The following ABLIM3 variants were observed in gnomAD, a reference collection of about 807,000 sequenced individuals.
ABLIM3 encodes the protein actin binding LIM protein family member 3, also known as actin-binding LIM protein 3.
A neutral mutation model predicts 109.5 loss-of-function variants in ABLIM3; 61 were observed. The observed-to-expected ratio is 0.56, with a 90% CI of 0.45 to 0.69. ABLIM3 has a LOEUF of 0.69. ABLIM3 is among the 30% of genes least tolerant of loss of function. The pLI is 0.00. For synonymous variants in ABLIM3, 300 were observed against 324.8 expected, an observed-to-expected ratio of 0.92 and a Z score of 0.82; for missense variants, 796 against 889.5, an observed-to-expected ratio of 0.89 and a Z score of 1.34.
Position 149,148,166 on chromosome 5 carries a change from A to G in ABLIM3, c.13+6058A>G, listed in dbSNP as rs1753100476. Among the ~76,000 whole-genome samples, 5 of 152,238 alleles carry G rather than the reference A, an allele frequency of 3.3e-5. No individual in the cohort carries two copies. In the South Asian group the frequency reaches 1.0e-3, roughly 32 times the overall value. ...AGATTACAAAAACAAGAGCATGCTTAGTCAGTGGCTCTTCAGAGTGAATTT... is the reference window on the plus strand; with the variant it reads ...AGATTACAAAAACAAGAGCATGCTTGGTCAGTGGCTCTTCAGAGTGAATTT... On this transcript the variant is annotated intron_variant, in intron 2 of 23. Transcript: ENST00000309868.
chr5:149,192,229 T>G (rs1757544489), intron 3 of ABLIM3, among the ~76,000 whole-genome samples: 1 of 151,966 alleles, frequency 6.6e-6, no homozygotes, highest in South Asian at 2.1e-4. Context: ...AAAAAAAACC[T>G]ATTATTTTTA....
intron 16 of ABLIM3, among the ~76,000 whole-genome samples, chr5:149,245,553 T>C (rs897433546): frequency 4.6e-5 from 7 of 152,212 alleles, no homozygotes; most frequent in African/African-American, 1.7e-4. Flanking sequence ...GTAAGGATTT[T>C]GGTTGTTATC....
At chr5:149,168,388 A>G (rs982337814) in intron 2 of ABLIM3, among the ~76,000 whole-genome samples, 1 of 152,214 alleles carries the variant, frequency 6.6e-6, no homozygotes, top group Admixed American at 6.5e-5. Flanking sequence ...TGGTTTGCAC[A>G]AGTGACACCA....
chr5:149,180,919 C>T (rs574688762), intron 2 of ABLIM3, among the ~76,000 whole-genome samples: 1 of 152,256 alleles, frequency 6.6e-6, no homozygotes, highest in African/African-American at 2.4e-5. Context: ...CTCACAAATC[C>T]ACTTTCCCAG....
In ABLIM3 at chr5:149,143,314, G is replaced by A. The variant is rs142524466; in HGVS notation, c.13+1206G>A. 7.3e-3 allele frequency among the ~76,000 whole-genome samples: 1,111 copies of A among 151,442 alleles called. 6 individuals carry two copies. Among genetic ancestry groups the A allele is most frequent in the Non-Finnish European group, 8.9e-3 (603 of 67,808 alleles). Reference sequence around the variant, plus strand: ...GGAGGCAGAGGTTGCAGTGAGCCGAGATCACACCACTGCACTCCAGCCTGG... The same window carrying A: ...GGAGGCAGAGGTTGCAGTGAGCCGAAATCACACCACTGCACTCCAGCCTGG... On this transcript the variant is annotated intron_variant, in intron 2 of 23. Transcript: ENST00000309868.
chr5:149,157,901 G>C (rs1753994824), intron 2 of ABLIM3, among the ~76,000 whole-genome samples: 1 of 152,086 alleles, frequency 6.6e-6, no homozygotes, highest in African/African-American at 2.4e-5. Context: ...GTTTCCACTA[G>C]GTTTCTGTAA....
Position 149,239,773 on chromosome 5 carries a change from C to A in ABLIM3, c.1089C>A (p.Asn363Lys). 6.2e-7 allele frequency: 1 copy of A among 1,606,858 alleles called. No individual in the cohort carries two copies. Among genetic ancestry groups the A allele is most frequent in the Non-Finnish European group, 8.5e-7 (1 of 1,176,666 alleles). The change falls in exon 13 of 24, where the codon AAC becomes AAA. Residue 363 changes from asparagine (N) to lysine (K), a missense_variant. Asn to Lys is a moderately conservative substitution (Grantham distance 94). Transcript: ENST00000309868. The stretch of plus-strand genomic sequence containing the variant: ...TCCTCTCCCAGGACATCTACGAGAA[C>A]CTGGACCTCCGGCAGAGACGGGCCT... ...LSPYSQDIYE[N>K]LDLRQRRASS...
chr5:149,247,550 G>A, intron 17 of ABLIM3: 1 of 685,442 alleles, frequency 1.5e-6, no homozygotes, highest in Non-Finnish European at 2.7e-6. Flanking sequence ...GGCCAGGCTT[G>A]CTTTTTTGTG....
At chr5:149,179,818 G>A (rs766002061) in intron 2 of ABLIM3, among the ~76,000 whole-genome samples, 10 of 152,194 alleles carry the variant, frequency 6.6e-5, no homozygotes, top group Non-Finnish European at 1.0e-4. Context: ...AAGTTCCTCA[G>A]TCACACTAGC....
chr5:149,165,739 T>TCA (rs1754763225), intron 2 of ABLIM3, among the ~76,000 whole-genome samples: 2 of 152,164 alleles, frequency 1.3e-5, no homozygotes, highest in Admixed American at 6.5e-5. Context: ...TCTCCTCCCT[T>TCA]CACTACTCAT....
chr5:149,163,016 G>A (rs1168811963), intron 2 of ABLIM3, among the ~76,000 whole-genome samples: 3 of 152,246 alleles, frequency 2.0e-5, no homozygotes, highest in Non-Finnish European at 2.9e-5. Flanking sequence ...TGCCGGAGGG[G>A]AGCAGGGTCT....
Position 149,159,884 on chromosome 5 carries a change from C to T in ABLIM3, c.13+17776C>T, listed in dbSNP as rs13180003. On this transcript the variant is annotated intron_variant, in intron 2 of 23. Transcript: ENST00000309868. ...GTGCTTTCTAGCCTCTGGACCCTTC[C>T]TTGCAAATGCTGTTTCTCCATCTCA... Among the ~76,000 whole-genome samples the T allele has an allele frequency of 6.6e-3, 1,006 of 152,332 alleles. 9 individuals are homozygous for T. Among genetic ancestry groups the T allele is most frequent in the South Asian group, 0.043 (206 of 4,828 alleles).
chr5:149,228,725 C>A (rs1201046672), intron 8 of ABLIM3, among the ~76,000 whole-genome samples: 14 of 152,136 alleles, frequency 9.2e-5, no homozygotes, highest in Admixed American at 9.2e-4. Flanking sequence ...ACTACCAACT[C>A]CTAAATTCTG....
chr5:149,171,007 C>T (rs113801218), intron 2 of ABLIM3, among the ~76,000 whole-genome samples: 21 of 152,306 alleles, frequency 1.4e-4, no homozygotes, highest in African/African-American at 4.8e-4. Context: ...TCCTCCCCTT[C>T]CTAATCAGGA....
intron 2 of ABLIM3, among the ~76,000 whole-genome samples, chr5:149,165,246 T>C (rs4361503): frequency 0.81 from 122,591 of 152,160 alleles, 49,599 homozygotes; most frequent in African/African-American, 0.88. Context: ...TGATTCTGTA[T>C]ACTTCTCTAG....
chr5:149,216,115 G>C (rs1760052712), intron 7 of ABLIM3, among the ~76,000 whole-genome samples: 2 of 152,154 alleles, frequency 1.3e-5, no homozygotes, highest in Admixed American at 1.3e-4. Flanking sequence ...ATAGTCACAG[G>C]ACTGGCCTGG....
At chr5:149,234,887 G>A (rs556017945) in intron 10 of ABLIM3, among the ~76,000 whole-genome samples, 4 of 152,298 alleles carry the variant, frequency 2.6e-5, no homozygotes, top group East Asian at 3.9e-4. Flanking sequence ...CTGGTCTCCC[G>A]GTGCTACTGA....
chr5:149,258,813 G>T lies in ABLIM3; in HGVS notation c.*409G>T. The T allele has an allele frequency of 1.0e-6, 1 of 990,952 alleles. No homozygotes were observed. Among genetic ancestry groups the T allele is most frequent in the Non-Finnish European group, 1.2e-6 (1 of 833,814 alleles). The allele number at this position is 990,952 out of a possible 1,614,324, so 61.4% of individuals were successfully genotyped here. On this transcript the variant is annotated 3_prime_UTR_variant, in exon 24 of 24. Transcript: ENST00000309868. ...TTCCACACCTTATTGGCCCCAGAGG[G>T]GCCCTCCCATGGGAAGATCTGCAGC...
intron 9 of ABLIM3, 68 bp downstream of exon 9, chr5:149,230,775 C>T (rs1761777743): frequency 6.4e-7 from 1 of 1,570,846 alleles, no homozygotes; most frequent in Non-Finnish European, 8.8e-7. Context: ...GCTAAGGGAG[C>T]TGTGCTTTGG....
Sources: allele counts gnomAD v4.1 joint callset (sites outside exome capture counted in the v4.1 genomes callset), GRCh38; gene constraint gnomAD v4.1.1; transcripts MANE v1.5; gene names NCBI Gene and HGNC (gene_info 2026-07-23, HGNC 2026-07-21).